Variants in ECI2 observed in about 807,000 individuals in gnomAD.
ECI2 encodes the protein D3,D2-enoyl-CoA isomerase.
Under a neutral mutation model 38.4 loss-of-function variants are expected in ECI2, and 27 were observed. The observed-to-expected ratio is 0.70, with a 90% CI of 0.52 to 0.97. ECI2 has a LOEUF of 0.97. Among genes scored for constraint, ECI2 ranks in the 50% least tolerant of loss-of-function variants. The probability of loss-of-function intolerance (pLI) is 0.00; values close to 1 mark genes in which losing one functional copy is unlikely to be tolerated. For synonymous variants in ECI2, 168 were observed against 172.0 expected, an observed-to-expected ratio of 0.98 and a Z score of 0.18; for missense variants, 470 against 474.4, an observed-to-expected ratio of 0.99 and a Z score of 0.09.
At chr6:4,127,919 T>C (rs1246722476) in intron 4 of ECI2, 88 bp from the exon 5 acceptor site, 4 of 1,305,142 alleles carry the variant, frequency 3.1e-6, no homozygotes, top group South Asian at 2.8e-5. Context: ...GGCTGCAAGC[T>C]TGCTCTCAGC....
intron 4 of ECI2, among the ~76,000 whole-genome samples, chr6:4,129,734 A>G (rs1215918076): frequency 3.3e-5 from 5 of 152,184 alleles, no homozygotes; most frequent in South Asian, 2.1e-4. Context: ...TTCTGCCACA[A>G]TGGAGGTTAT....
chr6:4,116,459 G>A (rs1052834463), intron 9 of ECI2, among the ~76,000 whole-genome samples: 9 of 142,928 alleles, frequency 6.3e-5, no homozygotes, highest in African/African-American at 2.3e-4. Context: ...TTTTTTTTCT[G>A]AGACATAGTC....
intron 7 of ECI2, among the ~76,000 whole-genome samples, chr6:4,122,282 G>T (rs1170703936): frequency 6.6e-6 from 1 of 150,758 alleles, no homozygotes. Flanking sequence ...GTGCAGTGGC[G>T]CAATCTCAAC....
chr6:4,127,404 CTTTTTT>C (rs71001567), intron 5 of ECI2, among the ~76,000 whole-genome samples: 12 of 75,892 alleles, frequency 1.6e-4, no homozygotes, highest in African/African-American at 6.6e-4. Context: ...ATCTTAGAGC[CTTTTTT>C]TTTTTTTTTT....
intron 7 of ECI2, among the ~76,000 whole-genome samples, chr6:4,120,767 C>A (rs576601570): frequency 6.6e-6 from 1 of 151,684 alleles, no homozygotes; most frequent in Non-Finnish European, 1.5e-5. Context: ...TCTTAGGAGA[C>A]CAGCGTTTTA....
At chr6:4,125,077 A>G (rs1773053017) in intron 7 of ECI2, 173 bp downstream of exon 7, 2 of 1,102,732 alleles carry the variant, frequency 1.8e-6, no homozygotes, top group African/African-American at 3.1e-5. Context: ...TTAATAATGA[A>G]GGAAAAATAA....
intron 9 of ECI2, among the ~76,000 whole-genome samples, chr6:4,116,304 T>C (rs1381724201): frequency 1.3e-5 from 2 of 151,542 alleles, no homozygotes; most frequent in Non-Finnish European, 2.9e-5. Flanking sequence ...TGAGCTGAGA[T>C]CGCACCATTG....
chr6:4,133,255 C>A (rs1324748654), intron 2 of ECI2, among the ~76,000 whole-genome samples: 1 of 152,024 alleles, frequency 6.6e-6, no homozygotes, highest in African/African-American at 2.4e-5. Flanking sequence ...TTAAAAATAC[C>A]TTTTTCAGTT....
At chr6:4,119,121 G>T in intron 8 of ECI2, 65 bp downstream of exon 8, 1 of 1,324,754 alleles carries the variant, frequency 7.5e-7, no homozygotes, top group Non-Finnish European at 1.1e-6. Flanking sequence ...GAGTATATGA[G>T]ATTACTCTTC....
At chr6:4,123,512 C>T (rs533984109) in intron 7 of ECI2, among the ~76,000 whole-genome samples, 172 of 150,848 alleles carry the variant, frequency 1.1e-3, no homozygotes, top group African/African-American at 4.0e-3. Context: ...ATAAATTTTA[C>T]TTTTGGCCAA....
At chr6:4,116,712 G>T (rs1453822772) in intron 9 of ECI2, among the ~76,000 whole-genome samples, 1 of 152,076 alleles carries the variant, frequency 6.6e-6, no homozygotes, top group Admixed American at 6.5e-5. Flanking sequence ...CCAAAGTACT[G>T]AGACTACAGG....
At chr6:4,133,440 C>A in intron 2 of ECI2, 109 bp downstream of exon 2, 7 of 1,319,930 alleles carry the variant, frequency 5.3e-6, no homozygotes, top group Non-Finnish European at 7.3e-6. Flanking sequence ...GAAGAGGGAG[C>A]AAGACAAACC....
intron 8 of ECI2, chr6:4,118,399 A>G (rs972153317): frequency 6.6e-6 from 1 of 152,280 alleles, no homozygotes; most frequent in Non-Finnish European, 1.5e-5. Context: ...CCCAAGTTCA[A>G]TTCAGGGTAT....
At chr6:4,135,476 G>A (rs758253039) in intron 1 of ECI2, 35 bp downstream of exon 1, 10 of 1,610,800 alleles carry the variant, frequency 6.2e-6, no homozygotes, top group South Asian at 1.1e-5. Flanking sequence ...TCCTGCGGGC[G>A]ACCATGGGCC....
chr6:4,117,548 G>A (rs1165766441), intron 8 of ECI2, 97 bp from the exon 9 acceptor site: 3 of 1,470,384 alleles, frequency 2.0e-6, no homozygotes, highest in Non-Finnish European at 2.7e-6. Flanking sequence ...TGTACTCATG[G>A]TCTTTTGAGG....
intron 5 of ECI2, 104 bp from the exon 6 acceptor site, chr6:4,126,341 G>T: frequency 1.1e-6 from 1 of 939,474 alleles, no homozygotes; most frequent in South Asian, 1.6e-5. Context: ...ATACATTGGA[G>T]AACGAGCAAT....
At chr6:4,133,413 C>G (rs1261478773) in intron 2 of ECI2, 136 bp downstream of exon 2, 1 of 985,440 alleles carries the variant, frequency 1.0e-6, no homozygotes, top group South Asian at 1.7e-5. Flanking sequence ...TATATATACA[C>G]ACACACACTC....
At chr6:4,122,634 T>G (rs1359001703) in intron 7 of ECI2, among the ~76,000 whole-genome samples, 2 of 152,128 alleles carry the variant, frequency 1.3e-5, no homozygotes, top group African/African-American at 4.8e-5. Flanking sequence ...TAGCTGGGAC[T>G]ACAGGCGCCT....
intron 9 of ECI2, 45 bp downstream of exon 9, chr6:4,117,263 G>A (rs376879467): frequency 1.1e-4 from 176 of 1,545,194 alleles, no homozygotes; most frequent in Non-Finnish European, 1.5e-4. Context: ...TTTTCCCTTA[G>A]GAAATCATTT....
Sources: gnomAD v4.1 joint callset for allele counts (sites outside exome capture counted in the v4.1 genomes callset) on GRCh38, gnomAD v4.1.1 for gene constraint, MANE v1.5 for transcripts, NCBI Gene and HGNC (gene_info 2026-07-23, HGNC 2026-07-21) for gene names.